The following CD40LG variants were observed in gnomAD, a reference collection of about 807,000 sequenced individuals.
The protein encoded by CD40LG is CD40 ligand, also known as CD40 antigen ligand.
CD40LG carries 1 observed loss-of-function variant against 17.2 expected under a neutral mutation model. The observed-to-expected ratio is 0.06, with a 90% CI of 0.02 to 0.28. The LOEUF is 0.28. CD40LG is among the 10% of genes least tolerant of loss of function. The pLI, the probability that CD40LG is intolerant of heterozygous loss-of-function variation, is 1.00. For missense variants in CD40LG, 133 were observed against 193.2 expected (o/e 0.69, Z 1.85); for synonymous variants, 66 against 74.4 (o/e 0.89, Z 0.58).
chrX:136,648,178 C>A lies in CD40LG; in HGVS notation c.-71C>A. ...TAACTAATCCTGAGTAAGGTGGCCA[C>A]TTTGACAGTCTTCTCATGCTGCCTC... is the stretch of plus-strand genomic sequence containing the variant. On this transcript the variant is annotated 5_prime_UTR_variant, in exon 1 of 5. Transcript: ENST00000370629. 1 of 835,918 alleles carries A rather than the reference C, an allele frequency of 1.2e-6. No individual in the cohort carries two copies. Among genetic ancestry groups the A allele is most frequent in the Non-Finnish European group, 1.8e-6 (1 of 553,834 alleles). 68.9% of individuals were successfully genotyped at this position (835,918 alleles called of 1,213,427 possible). A position where few individuals can be genotyped will look rare whatever the true frequency, so the allele number is the denominator to read the frequency against.
chrX:136,653,450 C>T (rs1462170364), intron 2 of CD40LG, among the ~76,000 whole-genome samples: 1 of 112,779 alleles, frequency 8.9e-6, no homozygotes, highest in African/African-American at 3.2e-5. Flanking sequence ...GAAAATACTA[C>T]TGTCTTCTTC....
In CD40LG at chrX:136,659,100, T is replaced by C. The variant is rs1170264798; in HGVS notation, c.471T>C (p.Asn157=). The C allele has an allele frequency of 8.3e-7, 1 of 1,208,815 alleles. No homozygotes were observed. ...TMSNNLVTLE[N]GKQLTVKRQG... The stretch of plus-strand genomic sequence containing the variant: ...GCAACAACTTGGTAACCCTGGAAAA[T>C]GGGAAACAGCTGACCGTTAAAAGAC... Residue 157 remains asparagine, a synonymous_variant, in exon 5 of 5, where the codon AAT becomes AAC. Transcript: ENST00000370629.
intron 2 of CD40LG, among the ~76,000 whole-genome samples, chrX:136,653,261 G>T (rs941119752): frequency 7.1e-5 from 8 of 112,416 alleles, no homozygotes; most frequent in African/African-American, 2.6e-4. Flanking sequence ...TGAGGCTCAG[G>T]TTCCCCTGGA....
chrX:136,656,246 T>C (rs2076118586), intron 3 of CD40LG, 110 bp from the exon 4 acceptor site: 4 of 605,119 alleles, frequency 6.6e-6, no homozygotes, highest in South Asian at 2.3e-5. Context: ...TTTCCTTTTA[T>C]ATAATCTATT....
chrX:136,655,332 CCACT>C (rs1363168221), intron 3 of CD40LG, among the ~76,000 whole-genome samples: 1 of 111,829 alleles, frequency 8.9e-6, no homozygotes, highest in Non-Finnish European at 1.9e-5. Flanking sequence ...CTTTCTTCTG[CCACT>C]CACCTCCTTT....
chrX:136,657,815 C>T (rs1361748307), intron 4 of CD40LG, among the ~76,000 whole-genome samples: 1 of 111,210 alleles, frequency 9.0e-6, no homozygotes, highest in Non-Finnish European at 1.9e-5. Context: ...TTACAGTCTG[C>T]ATCACAATAG....
chrX:136,648,835 T>A (rs777118578), intron 1 of CD40LG, among the ~76,000 whole-genome samples: 1 of 112,427 alleles, frequency 8.9e-6, no homozygotes, highest in South Asian at 3.7e-4. Flanking sequence ...GGAGACAGCT[T>A]TTTTCTTTTA....
intron 4 of CD40LG, among the ~76,000 whole-genome samples, chrX:136,658,643 G>A (rs1278069601): frequency 9.0e-6 from 1 of 111,725 alleles, no homozygotes; most frequent in South Asian, 3.7e-4. Context: ...AATTTGGTCC[G>A]AGTAATTTGG....
chrX:136,649,969 G>C (rs748132299), intron 1 of CD40LG, among the ~76,000 whole-genome samples: 12 of 112,444 alleles, frequency 1.1e-4, no homozygotes, highest in Non-Finnish European at 1.9e-4. Context: ...GACAATTACA[G>C]AATATTGCTG....
intron 2 of CD40LG, among the ~76,000 whole-genome samples, chrX:136,653,145 T>C (rs2076108927): frequency 8.9e-6 from 1 of 112,417 alleles, no homozygotes; most frequent in Non-Finnish European, 1.9e-5. Context: ...TAAATAGTCA[T>C]TTGTTTACTT....
chrX:136,651,788 G>T (rs1387171993), intron 2 of CD40LG, among the ~76,000 whole-genome samples: 1 of 111,623 alleles, frequency 9.0e-6, no homozygotes, highest in East Asian at 2.8e-4. Flanking sequence ...ACCTTTCTGG[G>T]CCTCAGTTTT....
In CD40LG at chrX:136,659,313, A is replaced by G. The variant is rs11575983; in HGVS notation, c.684A>G (p.Val228=). The G allele has an allele frequency of 2.0e-3, 2,443 of 1,209,319 alleles. 22 individuals are homozygous for G. In the African/African-American group the frequency reaches 0.036, roughly 18 times the overall value. ...CGQQSIHLGG[V]FELQPGASVF... Reference sequence around the variant, plus strand: ...AACAATCCATTCACTTGGGAGGAGTATTTGAATTGCAACCAGGTGCTTCGG... The same window carrying G: ...AACAATCCATTCACTTGGGAGGAGTGTTTGAATTGCAACCAGGTGCTTCGG... The change falls in exon 5 of 5, where the codon GTA becomes GTG. Residue 228 remains valine (V), a synonymous_variant. Transcript: ENST00000370629.
Position 136,659,401 on chromosome X carries a change from T to C in CD40LG, c.772T>C (p.Leu258=). The change falls in exon 5 of 5, where the codon TTA becomes CTA. Residue 258 remains leucine, a synonymous_variant. Transcript: ENST00000370629. ...TGGCACTGGCTTCACGTCCTTTGGCTTACTCAAACTCTGAACAGTGTCACC... is the reference window on the plus strand; with the variant it reads ...TGGCACTGGCTTCACGTCCTTTGGCCTACTCAAACTCTGAACAGTGTCACC... ...SHGTGFTSFG[L]LKL 8.3e-7 allele frequency: 1 copy of C among 1,210,361 alleles called. No homozygotes were observed. Among genetic ancestry groups the C allele is most frequent in the Non-Finnish European group, 1.1e-6 (1 of 895,340 alleles).
intron 2 of CD40LG, among the ~76,000 whole-genome samples, chrX:136,651,826 A>T (rs2076104465): frequency 1.8e-5 from 2 of 111,900 alleles, no homozygotes; most frequent in South Asian, 7.6e-4. Flanking sequence ...AAGACAGATT[A>T]TCTGTAAGGG....
intron 2 of CD40LG, 35 bp from the exon 3 acceptor site, chrX:136,654,338 G>C (rs1569376916): frequency 1.9e-6 from 2 of 1,063,418 alleles, no homozygotes; most frequent in African/African-American, 1.8e-5. Context: ...CAGAGCCCCT[G>C]TCAAAATGAC....
In CD40LG at chrX:136,659,607, G is replaced by A. The variant is rs979536652; in HGVS notation, c.*192G>A. 18 of 453,693 alleles carry A rather than the reference G, an allele frequency of 4.0e-5. No homozygotes were observed. Among genetic ancestry groups the A allele is most frequent in the Admixed American group, 2.8e-4 (7 of 24,993 alleles). 37.4% of individuals were successfully genotyped at this position (453,693 alleles called of 1,213,427 possible). On this transcript the variant is annotated 3_prime_UTR_variant, in exon 5 of 5. Coordinates refer to ENST00000370629, the MANE Select transcript of CD40LG (RefSeq NM_000074.3). ...ATTACAGGTCACATGAAACCAAAAC[G>A]GGCCCTGCTCCATAAGAGCTTATAT...
chrX:136,653,464 T>C (rs1257578810), intron 2 of CD40LG, among the ~76,000 whole-genome samples: 2 of 112,812 alleles, frequency 1.8e-5, no homozygotes, highest in Admixed American at 1.9e-4. Flanking sequence ...CTTCTTCCCT[T>C]GTGTGCAGAG....
intron 3 of CD40LG, among the ~76,000 whole-genome samples, chrX:136,655,759 T>G (rs2148552779): frequency 8.9e-6 from 1 of 112,113 alleles, no homozygotes; most frequent in South Asian, 3.8e-4. Flanking sequence ...AGGGAAATGA[T>G]AATATTAACC....
intron 1 of CD40LG, 56 bp from the exon 2 acceptor site, chrX:136,650,210 T>TTC: frequency 1.1e-6 from 1 of 916,517 alleles, no homozygotes; most frequent in East Asian, 3.1e-5. Context: ...GCAGATATCA[T>TTC]TAGCTGTATT....
Sources: allele counts gnomAD v4.1 joint callset (sites outside exome capture counted in the v4.1 genomes callset), GRCh38; gene constraint gnomAD v4.1.1; transcripts MANE v1.5; gene names NCBI Gene and HGNC (gene_info 2026-07-23, HGNC 2026-07-21).